The following DLAT variants were observed in gnomAD, a reference collection of about 807,000 sequenced individuals.
The protein encoded by DLAT is dihydrolipoyllysine-residue acetyltransferase component of pyruvate dehydrogenase complex, mitochondrial.
DLAT carries 43 observed loss-of-function variants against 68.0 expected under a neutral mutation model. That is an observed-to-expected ratio of 0.63 (90% CI 0.50 to 0.81). The LOEUF (loss-of-function observed/expected upper bound fraction) is 0.81. Among genes scored for constraint, DLAT ranks in the 40% least tolerant of loss-of-function variants. DLAT has a pLI of 0.00. For missense variants in DLAT, 745 were observed against 815.4 expected, an observed-to-expected ratio of 0.91 and a Z score of 1.05; for synonymous variants, 265 against 288.6, an observed-to-expected ratio of 0.92 and a Z score of 0.83.
intron 11 of DLAT, among the ~76,000 whole-genome samples, chr11:112,057,591 C>T (rs782793804): frequency 2.6e-5 from 4 of 152,144 alleles, no homozygotes; most frequent in Non-Finnish European, 5.9e-5. Flanking sequence ...TTCCCTTAAG[C>T]CAAAGCTTAA....
intron 11 of DLAT, 142 bp from the exon 12 acceptor site, chr11:112,059,761 A>G (rs1555182979): frequency 4.7e-6 from 3 of 640,746 alleles, no homozygotes; most frequent in Non-Finnish European, 7.8e-6. Flanking sequence ...TAGGATAGAC[A>G]TCTTAATTTT....
chr11:112,045,378 AC>A, intron 9 of DLAT, 148 bp downstream of exon 9: 1 of 725,864 alleles, frequency 1.4e-6, no homozygotes, highest in Non-Finnish European at 2.4e-6. Context: ...CCAACTGAAT[AC>A]TTGAATCACT....
At position 112,062,299 on chromosome 11, in the gene DLAT, G is replaced by A. The variant is rs782699177; in HGVS notation, c.1815-107G>A. On this transcript the variant is annotated intron_variant, in intron 13 of 13. Coordinates refer to ENST00000280346, the MANE Select transcript of DLAT (RefSeq NM_001931.5). Reference sequence around the variant, plus strand: ...AGGAGACTGGAAGAGTAGATAGGAAGTATTACCTGGTTGGGATTATAGGGT... The same window carrying A: ...AGGAGACTGGAAGAGTAGATAGGAAATATTACCTGGTTGGGATTATAGGGT... 2.2e-5 allele frequency: 26 copies of A among 1,180,692 alleles called. No individual in the cohort carries two copies. The South Asian group carries it at 3.2e-4, about 15-fold the overall frequency. The allele number at this position is 1,180,692 out of a possible 1,614,324, so 73.1% of individuals were successfully genotyped here.
rs142389784 is a variant in DLAT at position 112,025,925 on chromosome 11, A to G, written c.279+174A>G. ...CTCCTTAGTGTCCCTCTCATGATCT[A>G]TTTCATTGAAAGGAGAGCTTCAAGA... On this transcript the variant is annotated intron_variant, in intron 1 of 13. Coordinates refer to ENST00000280346, the MANE Select transcript of DLAT (RefSeq NM_001931.5). Among the ~76,000 whole-genome samples, 371 of 152,212 alleles carry G rather than the reference A, an allele frequency of 2.4e-3. 3 individuals are homozygous for G. The highest frequency in any genetic ancestry group is 8.6e-3 in the African/African-American group (355 of 41,520).
chr11:112,025,609 A>G lies in DLAT; in HGVS notation c.137A>G (p.Asn46Ser). The G allele has an allele frequency of 1.2e-6, 2 of 1,613,940 alleles. No homozygotes were observed. The highest frequency in any genetic ancestry group is 1.1e-5 in the South Asian group (1 of 91,088). The change falls in exon 1 of 14, where the codon AAC becomes AGC. Residue 46 changes from asparagine (N) to serine (S), a missense_variant. Transcript: ENST00000280346. The part of the protein sequence containing the change: ...SRSGPAPARR[N>S]SVTTGYGGVR... ...TCTGGCCCGGCTCCCGCTCGTCGCA[A>G]CAGCGTGACTACAGGGTATGGCGGG...
intron 11 of DLAT, among the ~76,000 whole-genome samples, chr11:112,057,143 T>G (rs1864146077): frequency 6.6e-6 from 1 of 152,218 alleles, no homozygotes; most frequent in African/African-American, 2.4e-5. Flanking sequence ...ATGGCAAACT[T>G]CATTGATAAA....
intron 5 of DLAT, among the ~76,000 whole-genome samples, 158 bp downstream of exon 5, chr11:112,033,688 A>G (rs1296755821): frequency 2.0e-5 from 3 of 152,146 alleles, no homozygotes; most frequent in Non-Finnish European, 4.4e-5. Flanking sequence ...ATTTAGTTAT[A>G]TGTATTCTTT....
Position 112,051,248 on chromosome 11 carries a change from A to G in DLAT, c.1413A>G (p.Arg471=), listed in dbSNP as rs781913326. ...TGTCTTTCCAGATATTAGAAGGGAG[A>G]AGCAAAATTTCTGTCAATGACTTCA... ...RKELNKILEG[R]SKISVNDFII... Residue 471 remains arginine (R), a synonymous_variant, in exon 11 of 14, where the codon AGA becomes AGG. Transcript: ENST00000280346. This position sits in a 1 kb window ranked among gnomAD's most constrained non-coding sequence, Gnocchi z 4.3. 1 of 1,611,512 alleles carries G rather than the reference A, an allele frequency of 6.2e-7. No individual in the cohort carries two copies. The highest frequency in any genetic ancestry group is 8.5e-7 in the Non-Finnish European group (1 of 1,179,298).
chr11:112,028,904 T>C lies in DLAT; in HGVS notation c.619T>C (p.Ser207Pro). 1 of 1,614,142 alleles carries C rather than the reference T, an allele frequency of 6.2e-7. No individual in the cohort carries two copies. Among genetic ancestry groups the C allele is most frequent in the Non-Finnish European group, 8.5e-7 (1 of 1,180,018 alleles). The change falls in exon 4 of 14, where the codon TCT (serine) becomes CCT (proline). Residue 207 changes from serine (S) to proline (P), a missense_variant. Coordinates refer to ENST00000280346, the MANE Select transcript of DLAT (RefSeq NM_001931.5). ...TGCCACTGCTTCGCCACCTACACCT[T>C]CTGCTCAGGCTCCTGGTAGCTCATA... ...PAATASPPTP[S>P]AQAPGSSYPP...
chr11:112,052,980 C>A (rs587706627), intron 11 of DLAT, among the ~76,000 whole-genome samples: 177 of 152,248 alleles, frequency 1.2e-3, no homozygotes, highest in African/African-American at 4.0e-3. Context: ...ATGACAGGAA[C>A]TGGCAACATG....
chr11:112,052,853 C>G (rs1052753464), intron 11 of DLAT, among the ~76,000 whole-genome samples: 1 of 151,960 alleles, frequency 6.6e-6, no homozygotes, highest in African/African-American at 2.4e-5. Flanking sequence ...GGCGCCATCC[C>G]GAGGTTACTT....
In DLAT at chr11:112,025,565, T is replaced by A; in HGVS notation, c.93T>A (p.Thr31=). The A allele has an allele frequency of 6.2e-7, 1 of 1,613,948 alleles. No homozygotes were observed. Among genetic ancestry groups the A allele is most frequent in the Non-Finnish European group, 8.5e-7 (1 of 1,179,978 alleles). Residue 31 remains threonine (T), a synonymous_variant, in exon 1 of 14, where the codon ACT becomes ACA. Transcript: ENST00000280346. ...RWTALQEVPG[T]PRVTSRSGPA... The stretch of plus-strand genomic sequence containing the variant: ...CGGCCTTGCAGGAGGTACCCGGAAC[T>A]CCACGAGTGACCTCGCGATCTGGCC...
chr11:112,037,211 T>C, intron 5 of DLAT, 62 bp from the exon 6 acceptor site: 3 of 1,485,868 alleles, frequency 2.0e-6, no homozygotes, highest in South Asian at 2.3e-5. Flanking sequence ...AAAACTGTGC[T>C]GTGAGTTTGG....
rs140610691 is a variant in DLAT, at chr11:112,057,864, A to G, written c.1515-2039A>G. 2.9e-3 allele frequency among the ~76,000 whole-genome samples: 444 copies of G among 152,354 alleles called. 7 individuals carry two copies. The highest frequency in any genetic ancestry group is 0.01 in the African/African-American group (416 of 41,580). On this transcript the variant is annotated intron_variant, in intron 11 of 13. Coordinates refer to ENST00000280346, the MANE Select transcript of DLAT (RefSeq NM_001931.5). ...TTACAATTCACTAAAAGTTCAGGTG[A>G]TTTTTAGCATATTTTAGCAATAAAG...
chr11:112,053,193 A>G (rs1453737526), intron 11 of DLAT, among the ~76,000 whole-genome samples: 2 of 151,990 alleles, frequency 1.3e-5, no homozygotes, highest in African/African-American at 4.8e-5. Flanking sequence ...GTGGTGGTGC[A>G]TGCCTGTAAT....
In DLAT at chr11:112,051,213, C is replaced by T. The variant is rs1424816886; in HGVS notation, c.1399-21C>T. 7.6e-6 allele frequency: 11 copies of T among 1,450,378 alleles called. No individual in the cohort carries two copies. Among genetic ancestry groups the T allele is most frequent in the Middle Eastern group, 2.3e-4 (1 of 4,390 alleles). The allele number at this position is 1,450,378 out of a possible 1,614,324, so 89.8% of individuals were successfully genotyped here. A position where few individuals can be genotyped will look rare whatever the true frequency, so the allele number is the denominator to read the frequency against. On this transcript the variant is annotated intron_variant, in intron 10 of 13. Coordinates refer to ENST00000280346, the MANE Select transcript of DLAT (RefSeq NM_001931.5). The surrounding 1 kb of genome is among the most constrained non-coding windows in gnomAD (Gnocchi z 4.3). ...ATTAAAATTAAAAAAGAAGAAACTA[C>T]AGTTCTTCTTGTCTTTCCAGATATT...
intron 4 of DLAT, among the ~76,000 whole-genome samples, chr11:112,029,348 A>C (rs1215536759): frequency 1.2e-4 from 18 of 152,150 alleles, no homozygotes; most frequent in Admixed American, 1.2e-3. Context: ...AAAAAGGTTC[A>C]TTTGGCTCAA....
intron 11 of DLAT, among the ~76,000 whole-genome samples, chr11:112,057,727 C>T (rs1555182724): frequency 6.6e-6 from 1 of 152,112 alleles, no homozygotes; most frequent in East Asian, 1.9e-4. Context: ...GCCATAATAA[C>T]ATAAAAGTAC....
intron 4 of DLAT, among the ~76,000 whole-genome samples, chr11:112,032,224 C>T (rs782023655): frequency 1.1e-4 from 16 of 151,064 alleles, no homozygotes; most frequent in Non-Finnish European, 2.2e-4. Flanking sequence ...GATCATCATG[C>T]CACTGCACTC....
Sources: allele counts gnomAD v4.1 joint callset (sites outside exome capture counted in the v4.1 genomes callset), GRCh38; gene constraint gnomAD v4.1.1; non-coding constraint Gnocchi (gnomAD v3.1); transcripts MANE v1.5; gene names NCBI Gene and HGNC (gene_info 2026-07-23, HGNC 2026-07-21).